The following MAGI3 variants were observed in gnomAD, a reference collection of about 807,000 sequenced individuals.
The protein encoded by MAGI3 is membrane associated guanylate kinase, WW and PDZ domain containing 3.
MAGI3 carries 43 observed loss-of-function variants against 121.8 expected under a neutral mutation model. That is an observed-to-expected ratio of 0.35 (90% confidence interval 0.28 to 0.46). The LOEUF (loss-of-function observed/expected upper bound fraction) is 0.46. Ranked by LOEUF, MAGI3 falls within the 20% of genes least tolerant of loss-of-function variation. MAGI3 has a pLI of 1.00. For missense variants in MAGI3, 1,547 were observed against 1,797.3 expected (o/e 0.86, Z 2.52); for synonymous variants, 553 against 639.3 (o/e 0.86, Z 2.04).
intron 6 of MAGI3, among the ~76,000 whole-genome samples, chr1:113,605,638 CG>C (rs1486428387): frequency 6.6e-6 from 1 of 152,046 alleles, no homozygotes; most frequent in African/African-American, 2.4e-5. Flanking sequence ...CATGCTCTGT[CG>C]AACAGGCTGG....
At chr1:113,621,302 G>A (rs1650803769) in intron 8 of MAGI3, among the ~76,000 whole-genome samples, 1 of 152,208 alleles carries the variant, frequency 6.6e-6, no homozygotes, top group Non-Finnish European at 1.5e-5. Flanking sequence ...AGGCAGCCAT[G>A]AGAAGAGGTT....
intron 19 of MAGI3, among the ~76,000 whole-genome samples, chr1:113,678,247 A>C (rs973163930): frequency 6.6e-6 from 1 of 152,248 alleles, no homozygotes; most frequent in East Asian, 1.9e-4. Flanking sequence ...AGCAGTGTCC[A>C]AATACTATCT....
intron 1 of MAGI3, among the ~76,000 whole-genome samples, chr1:113,490,008 G>A (rs1296083603): frequency 6.6e-6 from 1 of 151,988 alleles, no homozygotes; most frequent in Non-Finnish European, 1.5e-5. Context: ...TACCTAGAGA[G>A]GACAACATTC....
intron 1 of MAGI3, among the ~76,000 whole-genome samples, chr1:113,477,407 T>C (rs1024340597): frequency 6.6e-5 from 10 of 152,332 alleles, no homozygotes; most frequent in African/African-American, 2.4e-4. Flanking sequence ...CAGGAGCTCT[T>C]GTAAGGCAGG....
intron 9 of MAGI3, among the ~76,000 whole-genome samples, chr1:113,638,210 G>A (rs1652175322): frequency 6.6e-6 from 1 of 152,190 alleles, no homozygotes; most frequent in African/African-American, 2.4e-5. Context: ...TTGATCGTCT[G>A]AAGCCTTCTT....
At chr1:113,403,244 C>G (rs534825560) in intron 1 of MAGI3, among the ~76,000 whole-genome samples, 5 of 151,832 alleles carry the variant, frequency 3.3e-5, no homozygotes, top group Non-Finnish European at 5.9e-5. Flanking sequence ...GAAACAGTGG[C>G]AAGAAAATGC....
At chr1:113,636,925 A>G (rs1187748790) in intron 9 of MAGI3, among the ~76,000 whole-genome samples, 1 of 152,160 alleles carries the variant, frequency 6.6e-6, no homozygotes. Context: ...TATTGGGTGC[A>G]TATATATTTA....
At position 113,683,944 on chromosome 1, in the gene MAGI3, C is replaced by T. The variant is rs1648384992; in HGVS notation, c.4376C>T (p.Pro1459Leu). Residue 1459 changes from proline (P) to leucine (L), a missense_variant, in exon 21 of 21, where the codon CCA becomes CTA. Transcript: ENST00000307546. ...SSPVKKTLIT[P>L]GPWKVPSGNK... The stretch of plus-strand genomic sequence containing the variant: ...CCAGTTAAGAAAACACTGATAACTC[C>T]AGGGCCCTGGAAGGTTCCAAGTGGA... 1 of 1,608,996 alleles carries T rather than the reference C, an allele frequency of 6.2e-7. No homozygotes were observed. The highest frequency in any genetic ancestry group is 8.5e-7 in the Non-Finnish European group (1 of 1,177,686).
intron 9 of MAGI3, among the ~76,000 whole-genome samples, chr1:113,639,258 CT>C (rs1652282139): frequency 6.6e-6 from 1 of 152,260 alleles, no homozygotes; most frequent in African/African-American, 2.4e-5. Context: ...CACCCACTGT[CT>C]GGCACTCCCT....
chr1:113,634,504 T>C (rs1341561866), intron 9 of MAGI3, among the ~76,000 whole-genome samples: 1 of 152,224 alleles, frequency 6.6e-6, no homozygotes, highest in Non-Finnish European at 1.5e-5. Context: ...CCTTTCCCCA[T>C]TGCTTGTTTT....
chr1:113,514,258 AG>A (rs1279699063), intron 1 of MAGI3, among the ~76,000 whole-genome samples: 1 of 151,988 alleles, frequency 6.6e-6, no homozygotes, highest in East Asian at 1.9e-4. Flanking sequence ...CATTTGACCC[AG>A]CCATCCCATT....
chr1:113,417,645 A>T (rs138939270), intron 1 of MAGI3, among the ~76,000 whole-genome samples: 1 of 152,212 alleles, frequency 6.6e-6, no homozygotes, highest in East Asian at 1.9e-4. Context: ...GCCTAAAATC[A>T]GTTTCTTCTC....
chr1:113,459,961 C>A (rs1397981626), intron 1 of MAGI3, among the ~76,000 whole-genome samples: 1 of 152,156 alleles, frequency 6.6e-6, no homozygotes, highest in South Asian at 2.1e-4. Context: ...GGCAGAGACA[C>A]AACAGAGAAA....
At chr1:113,624,973 A>C (rs74732764) in intron 9 of MAGI3, among the ~76,000 whole-genome samples, 3,529 of 152,266 alleles carry the variant, frequency 0.023, 146 homozygotes, top group African/African-American at 0.08. Context: ...TATCTTCTCC[A>C]ATGTATGTTC....
At chr1:113,453,080 A>G (rs953891220) in intron 1 of MAGI3, among the ~76,000 whole-genome samples, 1 of 152,200 alleles carries the variant, frequency 6.6e-6, no homozygotes, top group Non-Finnish European at 1.5e-5. Flanking sequence ...TTCATGGGAA[A>G]GCAGACCAGC....
intron 1 of MAGI3, among the ~76,000 whole-genome samples, chr1:113,512,699 C>A (rs1028269857): frequency 8.5e-5 from 13 of 152,094 alleles, no homozygotes; most frequent in Non-Finnish European, 1.6e-4. Flanking sequence ...GGAAGCATTC[C>A]CTTTGAAAAC....
rs1647555841 is a variant in MAGI3, at chr1:113,671,624, AAAGT to A, written c.2816-109_2816-106del. ...TAGTGCTGTTCATGCTAAAGCCACT[AAAGT>A]CAGTACAGCAATAGCCATCTGTTAT... On this transcript the variant is annotated intron_variant, in intron 16 of 20. Coordinates refer to ENST00000307546, the MANE Select transcript of MAGI3 (RefSeq NM_001142782.2). The A allele has an allele frequency of 3.2e-6, 3 of 938,254 alleles. No homozygotes were observed. The Admixed American group carries it at 6.6e-5, about 21-fold the overall frequency. 58.1% of individuals were successfully genotyped at this position (938,254 alleles called of 1,614,324 possible). A position where few individuals can be genotyped will look rare whatever the true frequency, so the allele number is the denominator to read the frequency against.
At chr1:113,475,908 T>G (rs1655794495) in intron 1 of MAGI3, among the ~76,000 whole-genome samples, 1 of 152,188 alleles carries the variant, frequency 6.6e-6, no homozygotes, top group Non-Finnish European at 1.5e-5. Context: ...TTTCAGAGTC[T>G]GTTATTGGTC....
intron 1 of MAGI3, among the ~76,000 whole-genome samples, chr1:113,477,141 C>A (rs1215768616): frequency 2.0e-5 from 3 of 151,964 alleles, no homozygotes; most frequent in African/African-American, 4.8e-5. Context: ...AGATGAGTCT[C>A]CTGAATACAG....
Sources: gnomAD v4.1 joint callset for allele counts (sites outside exome capture counted in the v4.1 genomes callset) on GRCh38, gnomAD v4.1.1 for gene constraint, MANE v1.5 for transcripts, NCBI Gene and HGNC (gene_info 2026-07-23, HGNC 2026-07-21) for gene names.